Variants in CIITA observed in about 807,000 individuals in gnomAD.
The protein encoded by CIITA is MHC class II transactivator.
A neutral mutation model predicts 115.1 loss-of-function variants in CIITA; 72 were observed. The ratio of observed to expected loss-of-function variants is 0.63; its 90% CI spans 0.52 to 0.76. The LOEUF is 0.76. CIITA is among the 30% of genes least tolerant of loss of function. The pLI is 0.00. For missense variants in CIITA, 1,617 were observed against 1,463.8 expected (o/e 1.10, Z -1.71); for synonymous variants, 763 against 635.6 (o/e 1.20, Z -3.02).
chr16:10,896,993 T>C (rs909068464), intron 3 of CIITA, among the ~76,000 whole-genome samples: 12 of 152,228 alleles, frequency 7.9e-5, no homozygotes, highest in African/African-American at 2.7e-4. Flanking sequence ...TCCTCACAAC[T>C]GGAGGCAGTC....
At chr16:10,877,875 A>G (rs1353410202) in intron 1 of CIITA, among the ~76,000 whole-genome samples, 2 of 152,098 alleles carry the variant, frequency 1.3e-5, no homozygotes, top group African/African-American at 2.4e-5. Context: ...CCAGTTTCCT[A>G]ATGGTGTTGT....
intron 15 of CIITA, 122 bp from the exon 16 acceptor site, chr16:10,918,318 C>T (rs957381090): frequency 8.8e-6 from 8 of 903,994 alleles, no homozygotes; most frequent in South Asian, 1.3e-5. Context: ...TCCTATTTAC[C>T]GAGAGGTAGC....
At chr16:10,900,358 A>G (rs1363590271) in intron 5 of CIITA, among the ~76,000 whole-genome samples, 1 of 152,208 alleles carries the variant, frequency 6.6e-6, no homozygotes, top group Non-Finnish European at 1.5e-5. Context: ...ACACGGTCCT[A>G]TCTTCAGCAG....
rs2038765025 is a variant in CIITA at position 10,901,629 on chromosome 16, C to G, written c.481+71C>G. The G allele has an allele frequency of 3.3e-6, 5 of 1,503,676 alleles. No homozygotes were observed. The highest frequency in any genetic ancestry group is 1.2e-5 in the South Asian group (1 of 86,592). 93.1% of individuals were successfully genotyped at this position (1,503,676 alleles called of 1,614,324 possible). ...GGGAGGGGATGGAAGAGATTGAACT[C>G]CTGGCCCAAGTCTGATGGGGATGGT... On this transcript the variant is annotated intron_variant, in intron 6 of 19. Transcript: ENST00000324288. The surrounding 1 kb of genome is among the most constrained non-coding windows in gnomAD (Gnocchi z 6.8).
rs1168066285 is a variant in CIITA at position 10,911,848 on chromosome 16, G to T, written c.2888+1589G>T. On this transcript the variant is annotated intron_variant, in intron 13 of 19. Coordinates refer to ENST00000324288, the MANE Select transcript of CIITA (RefSeq NM_000246.4). ...TTACAGGTGCGAGCTCCCGCACCTG[G>T]CCAGAACAGGCTTTTAAATTTGCAG... is the stretch of plus-strand genomic sequence containing the variant. 3.3e-5 allele frequency among the ~76,000 whole-genome samples: 5 copies of T among 152,078 alleles called. No homozygotes were observed. In the East Asian group the frequency reaches 9.7e-4, roughly 29 times the overall value.
Position 10,931,398 on chromosome 16 carries a change from G to A in CIITA, c.*7543G>A, listed in dbSNP as rs1596646069. On this transcript the variant is annotated 3_prime_UTR_variant, in exon 20 of 20. Transcript: ENST00000324288. The stretch of plus-strand genomic sequence containing the variant: ...CCGCATCCCCGACAGTCCCAGCCAG[G>A]CGCTAGTCTGGCTGTAGCTGCCCTC... The A allele has an allele frequency of 6.6e-6, 1 of 152,294 alleles. No individual in the cohort carries two copies. The highest frequency in any genetic ancestry group is 2.1e-4 in the South Asian group (1 of 4,836). The allele number at this position is 152,294 out of a possible 1,614,324, so 9.4% of individuals were successfully genotyped here. A position where few individuals can be genotyped will look rare whatever the true frequency, so the allele number is the denominator to read the frequency against.
chr16:10,914,936 G>A (rs531702404), intron 13 of CIITA: 143 of 369,910 alleles, frequency 3.9e-4, no homozygotes, highest in African/African-American at 2.4e-3. Flanking sequence ...CCCAGGCTGC[G>A]GCGGGAGAAG....
Position 10,901,621 on chromosome 16 carries a change from A to G in CIITA, c.481+63A>G. On this transcript the variant is annotated intron_variant, in intron 6 of 19. Coordinates refer to ENST00000324288, the MANE Select transcript of CIITA (RefSeq NM_000246.4). The surrounding 1 kb of genome is among the most constrained non-coding windows in gnomAD (Gnocchi z 6.8). ...ATGCCTTGGGGAGGGGATGGAAGAG[A>G]TTGAACTCCTGGCCCAAGTCTGATG... 1 of 1,537,230 alleles carries G rather than the reference A, an allele frequency of 6.5e-7. No homozygotes were observed. The highest frequency in any genetic ancestry group is 1.8e-5 in the Admixed American group (1 of 57,118).
chr16:10,898,705 C>G lies in CIITA; in HGVS notation c.331C>G (p.Leu111Val), dbSNP rs368329679. The change falls in exon 4 of 20, where the codon CTG becomes GTG. Residue 111 changes from leucine to valine, a missense_variant. Coordinates refer to ENST00000324288, the MANE Select transcript of CIITA (RefSeq NM_000246.4). ...CCAGTATGTCTTCCAGGACTCCCAG[C>G]TGGAGGGCCTGAGCAAGGACATTTT... ...LDQYVFQDSQ[L>V]EGLSKDIFKH... 14 of 1,611,864 alleles carry G rather than the reference C, an allele frequency of 8.7e-6. No homozygotes were observed. In the African/African-American group the frequency reaches 1.3e-4, roughly 15 times the overall value.
intron 1 of CIITA, among the ~76,000 whole-genome samples, chr16:10,869,307 C>G (rs1483785383): frequency 6.6e-6 from 1 of 152,218 alleles, no homozygotes; most frequent in East Asian, 1.9e-4. Flanking sequence ...CTCGCTGTTC[C>G]TTAGACACGC....
intron 3 of CIITA, among the ~76,000 whole-genome samples, 184 bp downstream of exon 3, chr16:10,895,948 A>G (rs546218757): frequency 6.6e-6 from 1 of 152,254 alleles, no homozygotes; most frequent in Non-Finnish European, 1.5e-5. Context: ...GATGGAGGCC[A>G]GTGGGGGAAA....
chr16:10,927,009 C>T lies in CIITA; in HGVS notation c.*3154C>T, dbSNP rs752928194. On this transcript the variant is annotated 3_prime_UTR_variant, in exon 20 of 20. Transcript: ENST00000324288. ...ACTCTAGAACGAGATTGCCTGGGCT[C>T]AACGCCCACCTCACCACTTACTTAT... The T allele has an allele frequency of 4.6e-5, 7 of 152,256 alleles. No homozygotes were observed. The highest frequency in any genetic ancestry group is 7.2e-5 in the African/African-American group (3 of 41,462). The allele number at this position is 152,256 out of a possible 1,614,324, so 9.4% of individuals were successfully genotyped here.
rs904266388 is a variant in CIITA at position 10,901,572 on chromosome 16, G to T, written c.481+14G>T. 1 of 1,613,592 alleles carries T rather than the reference G, an allele frequency of 6.2e-7. No homozygotes were observed. The highest frequency in any genetic ancestry group is 1.3e-5 in the African/African-American group (1 of 75,026). On this transcript the variant is annotated intron_variant, in intron 6 of 19. Coordinates refer to ENST00000324288, the MANE Select transcript of CIITA (RefSeq NM_000246.4). This position sits in a 1 kb window ranked among gnomAD's most constrained non-coding sequence, Gnocchi z 6.8. The stretch of plus-strand genomic sequence containing the variant: ...ACTGGAAGCCAGGTGTGCAGGGCAG[G>T]TGGGCTGGGGTTGGGAAGGGTGGAT...
rs906857274 is a variant in CIITA, at chr16:10,935,104, C to T, written c.*11249C>T. ...CCCTTAGGCAGGTGCTACTATTATC[C>T]CTGTTTTACAGAGAAGGAAACCGAG... On this transcript the variant is annotated 3_prime_UTR_variant, in exon 20 of 20. Coordinates refer to ENST00000324288, the MANE Select transcript of CIITA (RefSeq NM_000246.4). 8 of 152,246 alleles carry T rather than the reference C, an allele frequency of 5.3e-5. No individual in the cohort carries two copies. Among genetic ancestry groups the T allele is most frequent in the African/African-American group, 1.9e-4 (8 of 41,454 alleles). 9.4% of individuals were successfully genotyped at this position (152,246 alleles called of 1,614,324 possible). A position where few individuals can be genotyped will look rare whatever the true frequency, so the allele number is the denominator to read the frequency against.
At chr16:10,878,483 C>G (rs772895891) in intron 1 of CIITA, among the ~76,000 whole-genome samples, 1 of 152,186 alleles carries the variant, frequency 6.6e-6, no homozygotes, top group East Asian at 1.9e-4. Context: ...CATGGTAACA[C>G]AGGTTTTCCA....
At position 10,895,375 on chromosome 16, in the gene CIITA, A is replaced by G; in HGVS notation, c.146A>G (p.His49Arg). The G allele has an allele frequency of 6.2e-7, 1 of 1,613,994 alleles. No homozygotes were observed. The highest frequency in any genetic ancestry group is 8.5e-7 in the Non-Finnish European group (1 of 1,179,996). The change falls in exon 2 of 20, where the codon CAC (histidine) becomes CGC (arginine). Residue 49 changes from histidine to arginine, a missense_variant. Transcript: ENST00000324288. ...NSDADPLCLY[H>R]FYDQMDLAGE... ...GATGCTGACCCCCTGTGCCTCTACC[A>G]CTTCTATGACCAGATGGACCTGGCT...
rs1283853269 is a variant in CIITA at position 10,942,335 on chromosome 16, G to A, written n.1461G>A. ...TCGCAGAGCCGGTGGGGATCCCACC[G>A]CGGCTCAGTGTCTAGGGCCGGTCCC... is the stretch of plus-strand genomic sequence containing the variant. On this transcript the variant is annotated non_coding_transcript_exon_variant, in exon 2 of 2. Coordinates refer to the CIITA transcript ENST00000573379. The surrounding 1 kb of genome is among the most constrained non-coding windows in gnomAD (Gnocchi z 5.0). 4 of 251,558 alleles carry A rather than the reference G, an allele frequency of 1.6e-5. No homozygotes were observed. The highest frequency in any genetic ancestry group is 2.3e-5 in the African/African-American group (1 of 43,138). 15.6% of individuals were successfully genotyped at this position (251,558 alleles called of 1,614,324 possible). A position where few individuals can be genotyped will look rare whatever the true frequency, so the allele number is the denominator to read the frequency against.
At chr16:10,867,160 C>T (rs1052958712) in intron 1 of CIITA, among the ~76,000 whole-genome samples, 8 of 151,948 alleles carry the variant, frequency 5.3e-5, no homozygotes, top group African/African-American at 1.7e-4. Flanking sequence ...AGGAGAATTG[C>T]TTGAACTGGG....
In CIITA at chr16:10,929,418, G is replaced by A. The variant is rs975729394; in HGVS notation, c.*5563G>A. On this transcript the variant is annotated 3_prime_UTR_variant, in exon 20 of 20. Coordinates refer to ENST00000324288, the MANE Select transcript of CIITA (RefSeq NM_000246.4). This position sits in a 1 kb window ranked among gnomAD's most constrained non-coding sequence, Gnocchi z 4.3. ...CGATTTGACACTGCAGGCAGATGAG[G>A]TCTTGGGATGCCTCTTGCGTTCCCC... The A allele has an allele frequency of 2.0e-6, 2 of 985,772 alleles. No homozygotes were observed. The highest frequency in any genetic ancestry group is 1.2e-6 in the Non-Finnish European group (1 of 829,968). 61.1% of individuals were successfully genotyped at this position (985,772 alleles called of 1,614,324 possible).
Sources: gnomAD v4.1 joint callset for allele counts (sites outside exome capture counted in the v4.1 genomes callset) on GRCh38, gnomAD v4.1.1 for gene constraint, Gnocchi (gnomAD v3.1) non-coding constraint, MANE v1.5 for transcripts, NCBI Gene and HGNC (gene_info 2026-07-23, HGNC 2026-07-21) for gene names.